Variants in EVI5L observed in about 807,000 individuals in gnomAD.
The protein encoded by EVI5L is EVI5-like protein.
EVI5L carries 30 observed loss-of-function variants against 106.1 expected under a neutral mutation model. The ratio of observed to expected loss-of-function variants is 0.28; its 90% CI spans 0.21 to 0.38. EVI5L has a LOEUF of 0.38. Among genes scored for constraint, EVI5L ranks in the 10% least tolerant of loss-of-function variants. EVI5L has a pLI of 1.00. For missense variants in EVI5L, 809 were observed against 1,098.0 expected (o/e 0.74, Z 3.72); for synonymous variants, 489 against 483.3 (o/e 1.01, Z -0.15).
At position 7,853,074 on chromosome 19, in the gene EVI5L, G is replaced by C; in HGVS notation, c.988-12G>C. The C allele has an allele frequency of 6.2e-7, 1 of 1,613,612 alleles. No individual in the cohort carries two copies. Among genetic ancestry groups the C allele is most frequent in the Non-Finnish European group, 8.5e-7 (1 of 1,179,970 alleles). On this transcript the variant is annotated splice_polypyrimidine_tract_variant and intron_variant, in intron 8 of 19. Coordinates refer to ENST00000538904, the MANE Select transcript of EVI5L (RefSeq NM_001159944.3). ...CATGTTGGTGACCAGGTGACCGGCTGTGTCCCCACAGTACTTCCAGAGAGT... is the reference window on the plus strand; with the variant it reads ...CATGTTGGTGACCAGGTGACCGGCTCTGTCCCCACAGTACTTCCAGAGAGT...
intron 17 of EVI5L, 76 bp from the exon 18 acceptor site, chr19:7,862,896 C>G (rs1347294320): frequency 8.1e-6 from 9 of 1,104,998 alleles, no homozygotes; most frequent in Admixed American, 2.3e-5. Flanking sequence ...CTCATTCGCC[C>G]CTGCCCGCGG....
At chr19:7,852,070 C>T (rs769269619) in intron 8 of EVI5L, among the ~76,000 whole-genome samples, 1 of 152,222 alleles carries the variant, frequency 6.6e-6, no homozygotes, top group East Asian at 1.9e-4. Flanking sequence ...GCAGATGCCC[C>T]AAAGCCTGAT....
At chr19:7,853,481 GCGC>G (rs1231831067) in intron 10 of EVI5L, 148 bp downstream of exon 10, 7 of 1,069,300 alleles carry the variant, frequency 6.5e-6, no homozygotes, top group Non-Finnish European at 9.5e-6. Context: ...CCGCCCACCT[GCGC>G]CGTCCTTCAC....
At chr19:7,862,323 T>C (rs778109115) in intron 16 of EVI5L, 46 bp downstream of exon 16, 3 of 1,582,756 alleles carry the variant, frequency 1.9e-6, no homozygotes, top group Non-Finnish European at 2.6e-6. Flanking sequence ...GTGGTGTCCG[T>C]GGCCAGCCCC....
chr19:7,849,374 C>A, intron 5 of EVI5L, 44 bp downstream of exon 5: 1 of 1,605,680 alleles, frequency 6.2e-7, no homozygotes, highest in South Asian at 1.1e-5. Context: ...GACAACAGCC[C>A]ACCCTGGGCT....
rs1185120862 is a variant in EVI5L, at chr19:7,862,909, C to CCGCCCCCTGATGCGCCG, written c.1948-52_1948-36dup. 2.1e-5 allele frequency: 27 copies of CCGCCCCCTGATGCGCCG among 1,262,472 alleles called. No homozygotes were observed. In the African/African-American group the frequency reaches 3.9e-4, roughly 18 times the overall value. The allele number at this position is 1,262,472 out of a possible 1,614,324, so 78.2% of individuals were successfully genotyped here. ...TCCTCATTCGCCCCTGCCCGCGGTC[C>CCGCCCCCTGATGCGCCG]CGCCCCCTGATGCGCCGCGCCCCCT... On this transcript the variant is annotated intron_variant, in intron 17 of 19. Transcript: ENST00000538904.
chr19:7,849,908 G>A, intron 5 of EVI5L, 89 bp from the exon 6 acceptor site: 1 of 1,070,254 alleles, frequency 9.3e-7, no homozygotes, highest in South Asian at 1.4e-5. Flanking sequence ...CATGGACATG[G>A]GCCCCTGTAC....
At chr19:7,831,096 C>T (rs1012096629) in intron 1 of EVI5L, among the ~76,000 whole-genome samples, 2 of 151,430 alleles carry the variant, frequency 1.3e-5, no homozygotes, top group Non-Finnish European at 2.9e-5. Context: ...GTGGTAGCTC[C>T]ACTGATCCTG....
In EVI5L at chr19:7,862,385, C is replaced by T; in HGVS notation, c.1801-3C>T. Reference sequence around the variant, plus strand: ...CTCCGTCCTCCCTTCCTCCCTATCCCAGGACCACATCCACCGCAACCTTCT... The same window carrying T: ...CTCCGTCCTCCCTTCCTCCCTATCCTAGGACCACATCCACCGCAACCTTCT... On this transcript the variant is annotated splice_polypyrimidine_tract_variant and splice_region_variant and intron_variant, in intron 16 of 19. Transcript: ENST00000538904. 1 of 1,601,634 alleles carries T rather than the reference C, an allele frequency of 6.2e-7. No homozygotes were observed. Among genetic ancestry groups the T allele is most frequent in the Non-Finnish European group, 8.5e-7 (1 of 1,174,254 alleles).
intron 17 of EVI5L, 25 bp from the exon 18 acceptor site, chr19:7,862,947 T>A: frequency 8.3e-6 from 9 of 1,087,436 alleles, no homozygotes; most frequent in South Asian, 1.4e-5. Context: ...CCCGCCCTCC[T>A]TTCCCCCCAA....
At chr19:7,861,213 G>A (rs539150601) in intron 14 of EVI5L, among the ~76,000 whole-genome samples, 36 of 152,280 alleles carry the variant, frequency 2.4e-4, no homozygotes, top group African/African-American at 8.2e-4. Context: ...ACTATTTTGG[G>A]AGTCCTCCCA....
intron 1 of EVI5L, among the ~76,000 whole-genome samples, chr19:7,832,963 A>G (rs1014078076): frequency 4.6e-5 from 7 of 152,156 alleles, no homozygotes; most frequent in Admixed American, 4.6e-4. Context: ...CCTGAAGGTC[A>G]CGTGGTATCT....
Position 7,849,103 on chromosome 19 carries a change from C to T in EVI5L, c.510C>T (p.Gly170=), listed in dbSNP as rs1214439795. Residue 170 remains glycine (G), a synonymous_variant, in exon 4 of 20, where the codon GGC becomes GGT. Coordinates refer to ENST00000538904, the MANE Select transcript of EVI5L (RefSeq NM_001159944.3). ...ACCCGGAACATGAGTTCTTCAAGGG[C>T]CAGGACAGCCTGGGCCAGGAGGTCC... ...RTYPEHEFFK[G]QDSLGQEVLF... is the part of the protein sequence containing the mutation. 3 of 1,609,644 alleles carry T rather than the reference C, an allele frequency of 1.9e-6. No homozygotes were observed. Among genetic ancestry groups the T allele is most frequent in the Non-Finnish European group, 2.5e-6 (3 of 1,178,020 alleles).
intron 1 of EVI5L, among the ~76,000 whole-genome samples, chr19:7,840,696 C>T (rs962081141): frequency 1.3e-5 from 2 of 152,066 alleles, no homozygotes; most frequent in African/African-American, 4.8e-5. Flanking sequence ...CTGGACATTC[C>T]GTATAAAGGG....
At chr19:7,860,034 C>G (rs1735263968) in intron 13 of EVI5L, among the ~76,000 whole-genome samples, 1 of 152,230 alleles carries the variant, frequency 6.6e-6, no homozygotes, top group African/African-American at 2.4e-5. Flanking sequence ...GTCCATCACT[C>G]CAGGGGCCCC....
chr19:7,862,370 C>T lies in EVI5L; in HGVS notation c.1801-18C>T, dbSNP rs905915927. The T allele has an allele frequency of 1.9e-6, 3 of 1,591,850 alleles. No individual in the cohort carries two copies. Among genetic ancestry groups the T allele is most frequent in the South Asian group, 1.1e-5 (1 of 88,092 alleles). On this transcript the variant is annotated intron_variant, in intron 16 of 19. Coordinates refer to ENST00000538904, the MANE Select transcript of EVI5L (RefSeq NM_001159944.3). ...CTGACCGCCGCCGTCCTCCGTCCTC[C>T]CTTCCTCCCTATCCCAGGACCACAT...
intron 2 of EVI5L, 125 bp downstream of exon 2, chr19:7,846,804 T>C: frequency 7.7e-7 from 1 of 1,301,914 alleles, no homozygotes; most frequent in South Asian, 1.5e-5. Context: ...CACCTCCAGA[T>C]GCTGGATGAG....
intron 10 of EVI5L, among the ~76,000 whole-genome samples, chr19:7,854,316 A>C (rs1040215879): frequency 4.6e-5 from 7 of 151,470 alleles, no homozygotes; most frequent in Admixed American, 1.3e-4. Context: ...AAGAAAAAAA[A>C]CATTTATTGA....
intron 10 of EVI5L, 75 bp downstream of exon 10, chr19:7,853,408 G>A: frequency 6.5e-7 from 1 of 1,545,822 alleles, no homozygotes; most frequent in Non-Finnish European, 8.8e-7. Flanking sequence ...CTAAAGATCG[G>A]CCGCTAGGGG....
Sources: gnomAD v4.1 joint callset for allele counts (sites outside exome capture counted in the v4.1 genomes callset) on GRCh38, gnomAD v4.1.1 for gene constraint, MANE v1.5 for transcripts, NCBI Gene and HGNC (gene_info 2026-07-23, HGNC 2026-07-21) for gene names.